Variants in ANXA4 observed in about 807,000 individuals in gnomAD.
The protein encoded by ANXA4 is annexin A4.
Under a neutral mutation model 49.8 loss-of-function variants are expected in ANXA4, and 39 were observed. The ratio of observed to expected loss-of-function variants is 0.78; its 90% CI spans 0.61 to 1.02. ANXA4 has a LOEUF of 1.02. Among genes scored for constraint, ANXA4 ranks in the 50% least tolerant of loss-of-function variants. The pLI is 0.00. For missense variants in ANXA4, 360 were observed against 410.1 expected (o/e 0.88, Z 1.05); for synonymous variants, 134 against 152.5 (o/e 0.88, Z 0.89).
At chr2:69,663,877 A>T (rs1204069033) in intron 2 of ANXA4, among the ~76,000 whole-genome samples, 2 of 152,192 alleles carry the variant, frequency 1.3e-5, no homozygotes, top group Non-Finnish European at 2.9e-5. Context: ...ACATCTGGGA[A>T]ACAGGGGAAG....
chr2:69,786,593 T>C (rs534463049), intron 2 of ANXA4, among the ~76,000 whole-genome samples: 1 of 152,388 alleles, frequency 6.6e-6, no homozygotes, highest in Non-Finnish European at 1.5e-5. Context: ...CCTTCTTTTT[T>C]ATTTTTAATT....
chr2:69,748,661 G>A (rs775102127), intron 1 of ANXA4, among the ~76,000 whole-genome samples: 3 of 149,776 alleles, frequency 2.0e-5, no homozygotes, highest in Non-Finnish European at 4.4e-5. Context: ...ATCACAGAGT[G>A]AATTTACTTA....
intron 6 of ANXA4, chr2:69,808,371 A>G (rs1327064933): frequency 1.4e-5 from 3 of 219,118 alleles, no homozygotes; most frequent in Non-Finnish European, 2.8e-5. Flanking sequence ...TCTTCCCTTC[A>G]GACTGGACTG....
chr2:69,681,236 G>C (rs1559074121), intron 2 of ANXA4, among the ~76,000 whole-genome samples: 1 of 152,064 alleles, frequency 6.6e-6, no homozygotes, highest in African/African-American at 2.4e-5. Context: ...TTGGTAGGCT[G>C]TATGTGTCCA....
intron 11 of ANXA4, 90 bp downstream of exon 11, chr2:69,819,428 G>T: frequency 2.2e-6 from 2 of 923,688 alleles, no homozygotes; most frequent in East Asian, 2.6e-5. Flanking sequence ...TCCAAACTTT[G>T]CTCTGAAAGA....
At chr2:69,745,948 A>G (rs1464897084) in intron 1 of ANXA4, among the ~76,000 whole-genome samples, 4 of 152,182 alleles carry the variant, frequency 2.6e-5, no homozygotes, top group African/African-American at 9.7e-5. Flanking sequence ...CATTATGTAT[A>G]AACTCTAGGT....
At chr2:69,772,521 G>C (rs1293969695) in intron 1 of ANXA4, among the ~76,000 whole-genome samples, 1 of 66,160 alleles carries the variant, frequency 1.5e-5, no homozygotes, top group Non-Finnish European at 2.5e-5. Flanking sequence ...TGCTAAGAGA[G>C]GCTGTAGCAA....
intron 3 of ANXA4, among the ~76,000 whole-genome samples, chr2:69,798,355 A>T (rs1267597533): frequency 6.6e-6 from 1 of 152,160 alleles, no homozygotes; most frequent in Non-Finnish European, 1.5e-5. Flanking sequence ...GCATACAGAG[A>T]GGAGATGGGA....
intron 1 of ANXA4, among the ~76,000 whole-genome samples, chr2:69,757,117 C>T (rs1398234681): frequency 6.7e-6 from 1 of 148,470 alleles, no homozygotes; most frequent in Non-Finnish European, 1.5e-5. Flanking sequence ...TCAGTAGAGA[C>T]GGGGTTTCAC....
In ANXA4 at chr2:69,777,133, G is replaced by A. The variant is rs114377133; in HGVS notation, c.-46-4387G>A. Among the ~76,000 whole-genome samples, 789 of 152,202 alleles carry A rather than the reference G, an allele frequency of 5.2e-3. 10 individuals are homozygous for A. Among genetic ancestry groups the A allele is most frequent in the African/African-American group, 0.018 (758 of 41,506 alleles). On this transcript the variant is annotated intron_variant, in intron 1 of 12. Coordinates refer to ENST00000394295, the MANE Select transcript of ANXA4 (RefSeq NM_001153.5). ...GTGGGGAGGGGCTCACAGCTTCCAC[G>A]GCCTCTCCAGGCGCACGTCTTCCCA...
At chr2:69,647,240 C>G (rs1676039426) in intron 1 of ANXA4, among the ~76,000 whole-genome samples, 1 of 152,132 alleles carries the variant, frequency 6.6e-6, no homozygotes, top group Non-Finnish European at 1.5e-5. Flanking sequence ...GGATCACCAG[C>G]CTGCAGGCTG....
At chr2:69,699,266 T>C (rs1678257308) in intron 2 of ANXA4, among the ~76,000 whole-genome samples, 1 of 152,198 alleles carries the variant, frequency 6.6e-6, no homozygotes, top group African/African-American at 2.4e-5. Flanking sequence ...CTCTTTTCTC[T>C]ATTTTGTGCA....
In ANXA4 at chr2:69,698,872, G is replaced by C. The variant is rs145546370; in HGVS notation, n.767-21902G>C. ...TTTGAGTTGTAATTTCAATGAAGAG[G>C]GAGAAGAAGTAGAAAGAAACTAGGT... On this transcript the variant is annotated intron_variant and non_coding_transcript_variant, in intron 2 of 3. Transcript: ENST00000418066. 1.2e-3 allele frequency among the ~76,000 whole-genome samples: 188 copies of C among 152,230 alleles called. 1 individual carries two copies. The highest frequency in any genetic ancestry group is 8.5e-3 in the South Asian group (41 of 4,820).
intron 2 of ANXA4, among the ~76,000 whole-genome samples, chr2:69,713,206 A>C (rs761445655): frequency 6.6e-6 from 1 of 151,832 alleles, no homozygotes. Flanking sequence ...AAATGAAAGG[A>C]TGGAAGGAAG....
chr2:69,762,765 C>T (rs1217800744), intron 1 of ANXA4, among the ~76,000 whole-genome samples: 2 of 152,126 alleles, frequency 1.3e-5, no homozygotes, highest in Non-Finnish European at 2.9e-5. Context: ...CAGCTCCTCA[C>T]CTCAGGGTAG....
At chr2:69,776,810 T>C (rs1671977795) in intron 1 of ANXA4, among the ~76,000 whole-genome samples, 1 of 152,168 alleles carries the variant, frequency 6.6e-6, no homozygotes, top group African/African-American at 2.4e-5. Flanking sequence ...TGAGCCAGAT[T>C]CAAAGCTGTC....
chr2:69,742,100 C>G (rs1056788153), upstream of ANXA4: 1 of 152,270 alleles, frequency 6.6e-6, no homozygotes, highest in Non-Finnish European at 1.5e-5. Flanking sequence ...GGATCCGTCC[C>G]GGATAAGACC....
intron 2 of ANXA4, among the ~76,000 whole-genome samples, chr2:69,782,592 C>T (rs1190341737): frequency 2.0e-5 from 3 of 152,146 alleles, no homozygotes; most frequent in Non-Finnish European, 4.4e-5. Flanking sequence ...TGGCCTCAAG[C>T]GATCCTCCCA....
intron 4 of ANXA4, among the ~76,000 whole-genome samples, chr2:69,805,832 A>G (rs1201431390): frequency 1.3e-5 from 2 of 152,204 alleles, no homozygotes; most frequent in African/African-American, 2.4e-5. Flanking sequence ...TATTTGCCCT[A>G]TTAGAAACTA....
Sources: allele counts gnomAD v4.1 joint callset (sites outside exome capture counted in the v4.1 genomes callset), GRCh38; gene constraint gnomAD v4.1.1; transcripts MANE v1.5; gene names NCBI Gene and HGNC (gene_info 2026-07-23, HGNC 2026-07-21).